ABL2: variants seen among roughly 807,000 people sequenced by gnomAD.
The protein encoded by ABL2 is tyrosine-protein kinase ABL2.
Under a neutral mutation model 107.7 loss-of-function variants are expected in ABL2, and 49 were observed. The ratio of observed to expected loss-of-function variants is 0.45; its 90% CI spans 0.36 to 0.58. The LOEUF (loss-of-function observed/expected upper bound fraction) is 0.58, where lower values mean the gene tolerates loss of function less well. ABL2 is among the 20% of genes least tolerant of loss of function. The pLI is 0.00. For missense variants in ABL2, 1,245 were observed against 1,457.0 expected (o/e 0.85, Z 2.37); for synonymous variants, 549 against 548.6 (o/e 1.00, Z -0.01).
chr1:179,185,520 C>T (rs1178511016), intron 1 of ABL2, among the ~76,000 whole-genome samples: 1 of 152,050 alleles, frequency 6.6e-6, no homozygotes, highest in Non-Finnish European at 1.5e-5. Flanking sequence ...GTACAAGTTG[C>T]TTTGTATAAG....
chr1:179,118,875 T>C (rs1654910065), intron 6 of ABL2, 111 bp from the exon 7 acceptor site: 1 of 1,162,694 alleles, frequency 8.6e-7, no homozygotes, highest in Admixed American at 2.2e-5. Flanking sequence ...GCAATAATCT[T>C]TTCCCTTCTT....
At chr1:179,150,601 T>C (rs1571204588) in intron 1 of ABL2, among the ~76,000 whole-genome samples, 1 of 152,276 alleles carries the variant, frequency 6.6e-6, no homozygotes, top group African/African-American at 2.4e-5. Flanking sequence ...AAGAAAGTGG[T>C]CTCATGAGAT....
intron 1 of ABL2, among the ~76,000 whole-genome samples, chr1:179,198,905 G>T (rs893357365): frequency 6.8e-6 from 1 of 146,660 alleles, no homozygotes; most frequent in African/African-American, 2.5e-5. Context: ...GCAGTGGCAC[G>T]ATCTCGGCTC....
At chr1:179,210,056 G>C (rs954688817) in intron 1 of ABL2, among the ~76,000 whole-genome samples, 2 of 151,878 alleles carry the variant, frequency 1.3e-5, no homozygotes, top group African/African-American at 2.4e-5. Context: ...TAAAGACAGG[G>C]GTCTTGCTAT....
In ABL2 at chr1:179,118,768, A is replaced by G. The variant is rs1370414847; in HGVS notation, c.1046-4T>C. 2.8e-5 allele frequency: 45 copies of G among 1,613,118 alleles called. No homozygotes were observed. Among genetic ancestry groups the G allele is most frequent in the Non-Finnish European group, 3.7e-5 (44 of 1,179,580 alleles). ...GGTGGCTCCAAAGTACACACACCTA[A>G]AAGTTGAACAATAGTGCTTGTTTTT... is the stretch of plus-strand genomic sequence containing the variant. On this transcript the variant is annotated splice_polypyrimidine_tract_variant and splice_region_variant and intron_variant, in intron 6 of 11. Coordinates refer to ENST00000502732, the MANE Select transcript of ABL2 (RefSeq NM_007314.4).
At chr1:179,120,125 G>T in intron 6 of ABL2, 65 bp downstream of exon 6, 2 of 994,176 alleles carry the variant, frequency 2.0e-6, no homozygotes, top group Middle Eastern at 2.2e-4. Context: ...AGCATTTGGA[G>T]ATAACAAGGG....
At chr1:179,145,135 T>C (rs1261161426) in intron 1 of ABL2, among the ~76,000 whole-genome samples, 1 of 152,140 alleles carries the variant, frequency 6.6e-6, no homozygotes, top group African/African-American at 2.4e-5. Flanking sequence ...TGATGCTAAG[T>C]GAAATAAGCC....
At chr1:179,110,255 T>C (rs1480866723) in intron 11 of ABL2, 27 bp downstream of exon 11, 18 of 1,613,394 alleles carry the variant, frequency 1.1e-5, no homozygotes, top group South Asian at 2.2e-5. Flanking sequence ...GTTTCTATTT[T>C]GATTCTACCT....
At chr1:179,141,008 C>G (rs1041808765) in intron 1 of ABL2, among the ~76,000 whole-genome samples, 6 of 150,132 alleles carry the variant, frequency 4.0e-5, no homozygotes, top group African/African-American at 1.5e-4. Flanking sequence ...CCCAACTACT[C>G]GGGAGGCTGA....
At chr1:179,197,497 T>TA (rs1661386852) in intron 1 of ABL2, among the ~76,000 whole-genome samples, 1 of 149,578 alleles carries the variant, frequency 6.7e-6, no homozygotes, top group Non-Finnish European at 1.5e-5. Flanking sequence ...ACATTATAGT[T>TA]AACTAATTCT....
At position 179,105,988 on chromosome 1, in the gene ABL2, CTTAA is replaced by C. The variant is rs1003498057; in HGVS notation, c.*1726_*1729del. 1.4e-5 allele frequency: 3 copies of C among 221,722 alleles called. No homozygotes were observed. The highest frequency in any genetic ancestry group is 6.7e-5 in the African/African-American group (3 of 44,692). The allele number at this position is 221,722 out of a possible 1,614,324, so 13.7% of individuals were successfully genotyped here. The stretch of plus-strand genomic sequence containing the variant: ...CACCCTTGAGAACATGTACTGTTAC[CTTAA>C]TTAAATAGATTAAGAGATGAGGCTG... On this transcript the variant is annotated 3_prime_UTR_variant, in exon 12 of 12. Coordinates refer to ENST00000502732, the MANE Select transcript of ABL2 (RefSeq NM_007314.4).
At chr1:179,202,103 A>C (rs917602190) in intron 1 of ABL2, among the ~76,000 whole-genome samples, 3 of 152,140 alleles carry the variant, frequency 2.0e-5, no homozygotes, top group African/African-American at 4.8e-5. Flanking sequence ...AAAAAAAAAA[A>C]ATAATCTCAG....
Position 179,108,343 on chromosome 1 carries a change from G to A in ABL2, c.2924C>T (p.Pro975Leu), listed in dbSNP as rs746054653. ...GGCACACTTTGGTTTTACCCGTCGG[G>A]GTCGGTCCTTGTCTCCAGAGGATGT... The part of the protein sequence containing the change: ...QVTSSGDKDR[P>L]RRVKPKCAPP... Residue 975 changes from proline to leucine, a missense_variant, in exon 12 of 12, where the codon CCC (proline) becomes CTC (leucine). Physicochemically the swap from Pro to Leu is moderately conservative, Grantham distance 98. Around this residue, in one of 3 missense-constraint regions of ABL2, gnomAD observed 761 missense variants for 766.4 expected, o/e 0.99. Coordinates refer to ENST00000502732, the MANE Select transcript of ABL2 (RefSeq NM_007314.4). 7.4e-6 allele frequency: 12 copies of A among 1,614,096 alleles called. No homozygotes were observed. The highest frequency in any genetic ancestry group is 1.0e-5 in the Non-Finnish European group (12 of 1,180,040).
At chr1:179,224,998 C>T (rs554476135) in intron 1 of ABL2, among the ~76,000 whole-genome samples, 4 of 152,162 alleles carry the variant, frequency 2.6e-5, no homozygotes, top group Non-Finnish European at 5.9e-5. Flanking sequence ...TGCACTCCAG[C>T]CTGGGTGGCA....
chr1:179,123,210 C>A (rs994417619), intron 4 of ABL2, among the ~76,000 whole-genome samples: 1 of 152,026 alleles, frequency 6.6e-6, no homozygotes, highest in Non-Finnish European at 1.5e-5. Flanking sequence ...AAGAAAGAGC[C>A]ACAATTTACC....
At chr1:179,193,722 T>G (rs1661145163) in intron 1 of ABL2, among the ~76,000 whole-genome samples, 1 of 151,752 alleles carries the variant, frequency 6.6e-6, no homozygotes, top group African/African-American at 2.4e-5. Flanking sequence ...TTTGTTGCTG[T>G]TGTATTTTGT....
rs371058080 is a variant in ABL2, at chr1:179,195,166, TA to T, written c.157+34074del. Reference sequence around the variant, plus strand: ...ACCCGGGCATGGCAGTGCATTCCTGTAGTCCCAGCTACTCAAGAAGCTGAGG... The same window carrying T: ...ACCCGGGCATGGCAGTGCATTCCTGTGTCCCAGCTACTCAAGAAGCTGAGG... On this transcript the variant is annotated intron_variant, in intron 1 of 11. Transcript: ENST00000502732. 2.1e-3 allele frequency among the ~76,000 whole-genome samples: 313 copies of T among 152,226 alleles called. 1 individual carries two copies. Among genetic ancestry groups the T allele is most frequent in the African/African-American group, 7.2e-3 (300 of 41,538 alleles).
Position 179,106,226 on chromosome 1 carries a change from T to G in ABL2, c.*1492A>C, listed in dbSNP as rs887083593. ...GAATTAGACCCGATACCAAGAACATTAATAATACCTAACTCATTAGATTCA... is the reference window on the plus strand; with the variant it reads ...GAATTAGACCCGATACCAAGAACATGAATAATACCTAACTCATTAGATTCA... On this transcript the variant is annotated 3_prime_UTR_variant, in exon 12 of 12. Coordinates refer to ENST00000502732, the MANE Select transcript of ABL2 (RefSeq NM_007314.4). 2 of 226,038 alleles carry G rather than the reference T, an allele frequency of 8.8e-6. No homozygotes were observed. Among genetic ancestry groups the G allele is most frequent in the Non-Finnish European group, 1.8e-5 (2 of 113,608 alleles). 14.0% of individuals were successfully genotyped at this position (226,038 alleles called of 1,614,324 possible). A position where few individuals can be genotyped will look rare whatever the true frequency, so the allele number is the denominator to read the frequency against.
Position 179,108,287 on chromosome 1 carries a change from G to A in ABL2, c.2980C>T (p.Gln994Ter), listed in dbSNP as rs2102574180. Residue 994 changes from glutamine to a stop codon, truncating the protein, a stop_gained, in exon 12 of 12, where the codon CAG becomes TAG. Transcript: ENST00000502732. LOFTEE classifies it high-confidence loss of function. Reference protein sequence around the residue: ...PPPPPVMRLLQHPSICSDPTE... With the variant: ...PPPPPVMRLL ...GGGTCTGAGCAGATGGACGGATGCT[G>A]CAGTAGTCTCATCACTGGTGGTGGG... The A allele has an allele frequency of 1.2e-6, 2 of 1,614,122 alleles. No individual in the cohort carries two copies. Among genetic ancestry groups the A allele is most frequent in the Non-Finnish European group, 1.7e-6 (2 of 1,180,030 alleles).
Sources: gnomAD v4.1 joint callset for allele counts (sites outside exome capture counted in the v4.1 genomes callset) on GRCh38, gnomAD v4.1.1 for gene constraint, gnomAD v4.1.1 regional missense constraint, MANE v1.5 for transcripts, NCBI Gene and HGNC (gene_info 2026-07-23, HGNC 2026-07-21) for gene names.